Variants in WWTR1 observed in about 807,000 individuals in gnomAD.
The protein encoded by WWTR1 is WW domain-containing transcription regulator protein 1.
Under a neutral mutation model 40.1 loss-of-function variants are expected in WWTR1, and 13 were observed. That is an observed-to-expected ratio of 0.32 (90% confidence interval 0.21 to 0.52). The LOEUF (loss-of-function observed/expected upper bound fraction) is 0.52. Ranked by LOEUF, WWTR1 falls within the 20% of genes least tolerant of loss-of-function variation. The pLI, the probability that WWTR1 is intolerant of heterozygous loss-of-function variation, is 0.97. For missense variants in WWTR1, 436 were observed against 523.1 expected, an observed-to-expected ratio of 0.83 and a Z score of 1.63; for synonymous variants, 230 against 210.1, an observed-to-expected ratio of 1.09 and a Z score of -0.82.
chr3:149,654,047 A>G (rs1265322862), intron 2 of WWTR1, among the ~76,000 whole-genome samples: 1 of 152,148 alleles, frequency 6.6e-6, no homozygotes, highest in East Asian at 1.9e-4. Context: ...AGGCAGGAGA[A>G]TCACTTGAGT....
intron 3 of WWTR1, among the ~76,000 whole-genome samples, chr3:149,565,928 CAAAA>C (rs58536558): frequency 4.1e-5 from 3 of 73,470 alleles, no homozygotes; most frequent in Non-Finnish European, 2.8e-5. Flanking sequence ...AACTCTGTCT[CAAAA>C]AAAAAAAAAA....
chr3:149,704,687 T>C (rs1343282067), upstream of WWTR1, among the ~76,000 whole-genome samples: 2 of 152,018 alleles, frequency 1.3e-5, no homozygotes, highest in African/African-American at 2.4e-5. Context: ...CCCCCTCCCA[T>C]AGAAATGGCC....
chr3:149,524,447 T>C (rs1364512444), intron 6 of WWTR1, among the ~76,000 whole-genome samples: 2 of 151,692 alleles, frequency 1.3e-5, no homozygotes, highest in Admixed American at 6.6e-5. Context: ...TAAAGAATTA[T>C]TAAACATAGG....
At chr3:149,706,125 G>A (rs965977804), upstream of WWTR1, among the ~76,000 whole-genome samples, 2 of 152,108 alleles carry the variant, frequency 1.3e-5, no homozygotes, top group Admixed American at 6.5e-5. Context: ...GTGCCTGGGA[G>A]GTGGAGGCTG....
chr3:149,526,097 T>A lies in WWTR1; in HGVS notation c.934A>T (p.Thr312Ser), dbSNP rs201863743. ...CACCCTAACCCCAGGCCACTGTCAG[T>A]GCTCTGCTCCCTCGAATGATATGGC... ...GGPYHSREQSTDSGLGLGCYS... is the reference protein window; with the variant it reads ...GGPYHSREQSSDSGLGLGCYS... The change falls in exon 6 of 7, where the codon ACT becomes TCT. Residue 312 changes from threonine to serine, a missense_variant. Transcript: ENST00000360632. The A allele has an allele frequency of 1.2e-4, 196 of 1,610,010 alleles. 3 individuals are homozygous for A. The East Asian group carries it at 4.3e-3, about 36-fold the overall frequency.
intron 2 of WWTR1, among the ~76,000 whole-genome samples, chr3:149,610,009 A>G (rs1739659115): frequency 6.6e-6 from 1 of 152,220 alleles, no homozygotes; most frequent in African/African-American, 2.4e-5. Flanking sequence ...ATTCACTTTT[A>G]CAATGAAGGG....
At chr3:149,665,516 C>T (rs988997119) in intron 2 of WWTR1, among the ~76,000 whole-genome samples, 1 of 152,186 alleles carries the variant, frequency 6.6e-6, no homozygotes, top group South Asian at 2.1e-4. Context: ...TGAGTTACTG[C>T]GCCCGGCTCA....
In WWTR1 at chr3:149,656,873, T is replaced by C; in HGVS notation, c.431+3A>G. ...TGCCTTCTTCGGCTCCAGGCTGACT[T>C]ACTTGAGGAAGTACCTCTGGCCAGT... On this transcript the variant is annotated splice_donor_region_variant and intron_variant, in intron 2 of 6. Transcript: ENST00000360632. 6.6e-7 allele frequency: 1 copy of C among 1,511,850 alleles called. No individual in the cohort carries two copies. The highest frequency in any genetic ancestry group is 8.8e-7 in the Non-Finnish European group (1 of 1,138,222). The allele number at this position is 1,511,850 out of a possible 1,614,324, so 93.7% of individuals were successfully genotyped here.
intron 2 of WWTR1, among the ~76,000 whole-genome samples, chr3:149,643,950 T>A (rs923191163): frequency 3.9e-5 from 6 of 152,212 alleles, no homozygotes; most frequent in Non-Finnish European, 7.3e-5. Flanking sequence ...CAGTACTTCT[T>A]GTTTCTTCTC....
intron 2 of WWTR1, among the ~76,000 whole-genome samples, chr3:149,654,969 A>G (rs1713111788): frequency 6.6e-6 from 1 of 150,896 alleles, no homozygotes; most frequent in Non-Finnish European, 1.5e-5. Flanking sequence ...TAAAAAAAAT[A>G]CAAAAAAGTA....
chr3:149,559,509 TG>T (rs1736997776), intron 3 of WWTR1, among the ~76,000 whole-genome samples: 1 of 152,122 alleles, frequency 6.6e-6, no homozygotes, highest in African/African-American at 2.4e-5. Flanking sequence ...AAGGCAGATC[TG>T]GGGAAAAGGT....
rs1318532271 is a variant in WWTR1, at chr3:149,526,083, C to G, written c.948G>C (p.Leu316=). 2 of 1,612,144 alleles carry G rather than the reference C, an allele frequency of 1.2e-6. No individual in the cohort carries two copies. Among genetic ancestry groups the G allele is most frequent in the South Asian group, 2.2e-5 (2 of 90,794 alleles). ...HSREQSTDSG[L]GLGCYSVPTT... ...TGGGGACACTGTAGCACCCTAACCC[C>G]AGGCCACTGTCAGTGCTCTGCTCCC... Residue 316 remains leucine (L), a synonymous_variant, in exon 6 of 7, where the codon CTG becomes CTC. Transcript: ENST00000360632.
intron 5 of WWTR1, among the ~76,000 whole-genome samples, chr3:149,527,007 T>A (rs994759372): frequency 6.6e-6 from 1 of 152,228 alleles, no homozygotes; most frequent in Non-Finnish European, 1.5e-5. Flanking sequence ...AGCGTTCCCA[T>A]GTACCCTTCA....
intron 2 of WWTR1, among the ~76,000 whole-genome samples, chr3:149,639,884 C>T (rs754922488): frequency 1.3e-5 from 2 of 150,280 alleles, no homozygotes; most frequent in Non-Finnish European, 3.0e-5. Flanking sequence ...GTCCCAGCTA[C>T]TTGGGAGGCT....
At chr3:149,621,873 C>T (rs544105286) in intron 2 of WWTR1, among the ~76,000 whole-genome samples, 64 of 152,298 alleles carry the variant, frequency 4.2e-4, no homozygotes, top group South Asian at 1.2e-3. Context: ...GAATTAGTTA[C>T]GTGGTTTTTC....
intron 2 of WWTR1, among the ~76,000 whole-genome samples, chr3:149,602,535 C>T (rs1387243250): frequency 6.6e-6 from 1 of 152,164 alleles, no homozygotes; most frequent in Non-Finnish European, 1.5e-5. Flanking sequence ...CAGATCTCAA[C>T]AGGAACTGAA....
At chr3:149,528,795 A>C (rs1735445487) in intron 4 of WWTR1, among the ~76,000 whole-genome samples, 1 of 152,120 alleles carries the variant, frequency 6.6e-6, no homozygotes, top group Non-Finnish European at 1.5e-5. Flanking sequence ...CAAAAAAGTC[A>C]ATCTATTTGA....
In WWTR1 at chr3:149,520,958, G is replaced by T. The variant is rs1420000746; in HGVS notation, c.1050C>A (p.Ile350=). 1 of 1,610,910 alleles carries T rather than the reference G, an allele frequency of 6.2e-7. No individual in the cohort carries two copies. Among genetic ancestry groups the T allele is most frequent in the Non-Finnish European group, 8.5e-7 (1 of 1,178,896 alleles). ...GENAGQTPMN[I]NPQQTRFPDF... ...CAGGGAAACGGGTCTGTTGGGGATTGATGTTCATGGGTGTTTGTCCTGCGT... is the reference window on the plus strand; with the variant it reads ...CAGGGAAACGGGTCTGTTGGGGATTTATGTTCATGGGTGTTTGTCCTGCGT... Residue 350 remains isoleucine (I), a synonymous_variant, in exon 7 of 7, where the codon ATC becomes ATA. Coordinates refer to ENST00000360632, the MANE Select transcript of WWTR1 (RefSeq NM_015472.6).
Position 149,538,021 on chromosome 3 carries a change from G to A in WWTR1, c.771+4314C>T, listed in dbSNP as rs545491387. 8.2e-4 allele frequency among the ~76,000 whole-genome samples: 124 copies of A among 151,930 alleles called. 3 individuals are homozygous for A. The highest frequency in any genetic ancestry group is 8.1e-3 in the Admixed American group (123 of 15,258). ...TGCAACCTCCACCTCCCAGGTCCAA[G>A]AGATTCTCCTGCCTCAGCCTCCTGA... On this transcript the variant is annotated intron_variant, in intron 4 of 6. Transcript: ENST00000360632.
Sources: allele counts gnomAD v4.1 joint callset (sites outside exome capture counted in the v4.1 genomes callset), GRCh38; gene constraint gnomAD v4.1.1; transcripts MANE v1.5; gene names NCBI Gene and HGNC (gene_info 2026-07-23, HGNC 2026-07-21).